Variants in PRIMA1 observed in about 807,000 individuals in gnomAD.
PRIMA1 encodes the protein proline-rich membrane anchor 1.
Under a neutral mutation model 17.5 loss-of-function variants are expected in PRIMA1, and 7 were observed. The ratio of observed to expected loss-of-function variants is 0.40; its 90% CI spans 0.23 to 0.75. The LOEUF is 0.75. PRIMA1 is among the 30% of genes least tolerant of loss of function. The pLI is 0.37. For synonymous variants in PRIMA1, 97 were observed against 77.9 expected (o/e 1.25, Z -1.29); for missense variants, 200 against 201.8 (o/e 0.99, Z 0.05).
intron 4 of PRIMA1, among the ~76,000 whole-genome samples, chr14:93,733,246 T>C (rs2076127100): frequency 2.6e-5 from 4 of 152,174 alleles, no homozygotes; most frequent in Admixed American, 6.5e-5. Flanking sequence ...GGCTACCAGG[T>C]CTGGGCAAGG....
chr14:93,784,544 A>G (rs377165654), intron 2 of PRIMA1, among the ~76,000 whole-genome samples: 21 of 152,216 alleles, frequency 1.4e-4, no homozygotes, highest in Non-Finnish European at 2.9e-5. Flanking sequence ...AATGACATCC[A>G]TAGCCCTCAG....
At position 93,779,229 on chromosome 14, in the gene PRIMA1, G is replaced by T; in HGVS notation, c.176C>A (p.Pro59Gln). The T allele has an allele frequency of 2.1e-6, 3 of 1,458,114 alleles. No individual in the cohort carries two copies. The highest frequency in any genetic ancestry group is 2.6e-5 in the East Asian group (1 of 38,142). The allele number at this position is 1,458,114 out of a possible 1,614,324, so 90.3% of individuals were successfully genotyped here. The stretch of plus-strand genomic sequence containing the variant: ...CGGGGGTGGGGGCGGCGGGGGCAGC[G>T]GGGGAGGGGGCCGGCACTGGCAGAC... ...RHVCQCRPPP[P>Q]LPPPPPPPPP... Residue 59 changes from proline to glutamine, a missense_variant, in exon 3 of 5, where the codon CCG becomes CAG. Pro to Gln is a moderately conservative substitution (Grantham distance 76). Transcript: ENST00000393140.
chr14:93,755,864 C>T (rs901368835), intron 3 of PRIMA1, among the ~76,000 whole-genome samples: 5 of 152,090 alleles, frequency 3.3e-5, no homozygotes, highest in African/African-American at 9.7e-5. Flanking sequence ...ATTGTACCCA[C>T]GAGTGCCTGG....
intron 3 of PRIMA1, among the ~76,000 whole-genome samples, chr14:93,739,416 A>C (rs1468342825): frequency 6.6e-6 from 1 of 152,208 alleles, no homozygotes; most frequent in Non-Finnish European, 1.5e-5. Flanking sequence ...GACTATCTTG[A>C]ATAGAACTGC....
chr14:93,765,402 T>C (rs7152624), intron 3 of PRIMA1, among the ~76,000 whole-genome samples: 132,248 of 149,010 alleles, frequency 0.89, 58,992 homozygotes, highest in Non-Finnish European at 0.94. Context: ...CTTAATAGGT[T>C]AGACTGGTTG....
intron 3 of PRIMA1, among the ~76,000 whole-genome samples, chr14:93,758,993 T>C (rs1386937270): frequency 1.3e-5 from 2 of 152,166 alleles, no homozygotes; most frequent in South Asian, 2.1e-4. Flanking sequence ...GTTCAGTAAA[T>C]GGTTCACAAG....
chr14:93,785,661 AT>A (rs1885502743), intron 2 of PRIMA1, among the ~76,000 whole-genome samples: 1 of 152,076 alleles, frequency 6.6e-6, no homozygotes, highest in South Asian at 2.1e-4. Flanking sequence ...GTTCCCTTGG[AT>A]TTAGCTCTTT....
At chr14:93,736,906 C>T (rs1003728660) in intron 4 of PRIMA1, among the ~76,000 whole-genome samples, 1 of 152,148 alleles carries the variant, frequency 6.6e-6, no homozygotes, top group Admixed American at 6.5e-5. Flanking sequence ...TTTCACGTTG[C>T]ACTGGGCCTG....
Position 93,779,226 on chromosome 14 carries a change from A to AAG in PRIMA1, c.178_179insCT (p.Leu60ProfsTer36). On this transcript the variant is annotated frameshift_variant, in exon 3 of 5. Transcript: ENST00000393140. LOFTEE classifies it high-confidence loss of function. The stretch of plus-strand genomic sequence containing the variant: ...TGGCGGGGGTGGGGGCGGCGGGGGC[A>AAG]GCGGGGGAGGGGGCCGGCACTGGCA... 7.1e-6 allele frequency: 2 copies of AAG among 281,884 alleles called. No individual in the cohort carries two copies. Among genetic ancestry groups the AAG allele is most frequent in the Non-Finnish European group, 1.0e-5 (2 of 197,032 alleles). The allele number at this position is 281,884 out of a possible 1,614,324, so 17.5% of individuals were successfully genotyped here.
At position 93,783,354 on chromosome 14, in the gene PRIMA1, G is replaced by T. The variant is rs1885434936; in HGVS notation, c.94-4043C>A. ...AAATGATGTACCACAGTTGCCCAAG[G>T]CCCAGCATTCAGTTGGCACAATGCC... On this transcript the variant is annotated intron_variant, in intron 2 of 4. Transcript: ENST00000393140. 2.0e-5 allele frequency among the ~76,000 whole-genome samples: 3 copies of T among 152,292 alleles called. No individual in the cohort carries two copies. The East Asian group carries it at 5.8e-4, about 29-fold the overall frequency.
chr14:93,765,553 C>T lies in PRIMA1; in HGVS notation c.229+13623G>A, dbSNP rs1207313579. Reference sequence around the variant, plus strand: ...ATTCCTTTTGACCCTCTCATCAGCCCGAGGAGGAAAAGGAGGTCTACACGA... The same window carrying T: ...ATTCCTTTTGACCCTCTCATCAGCCTGAGGAGGAAAAGGAGGTCTACACGA... On this transcript the variant is annotated intron_variant, in intron 3 of 4. Coordinates refer to ENST00000393140, the MANE Select transcript of PRIMA1 (RefSeq NM_178013.4). 5.3e-5 allele frequency among the ~76,000 whole-genome samples: 8 copies of T among 151,416 alleles called. No individual in the cohort carries two copies. The East Asian group carries it at 5.8e-4, about 11-fold the overall frequency.
intron 3 of PRIMA1, among the ~76,000 whole-genome samples, chr14:93,748,121 A>T (rs1319266947): frequency 1.3e-5 from 2 of 151,532 alleles, no homozygotes; most frequent in African/African-American, 2.4e-5. Flanking sequence ...TGTGTGAATG[A>T]GTGTGCATGA....
intron 3 of PRIMA1, among the ~76,000 whole-genome samples, chr14:93,776,527 C>T (rs7143376): frequency 0.017 from 2,524 of 152,244 alleles, 69 homozygotes; most frequent in African/African-American, 0.057. Context: ...TCCAGTCTGC[C>T]AGCTCAACCC....
intron 3 of PRIMA1, among the ~76,000 whole-genome samples, chr14:93,759,625 G>A (rs2076314689): frequency 6.6e-6 from 1 of 152,138 alleles, no homozygotes; most frequent in Non-Finnish European, 1.5e-5. Flanking sequence ...GGGAGGGAAA[G>A]GAGAAAGAAC....
At chr14:93,776,281 C>T (rs1885219888) in intron 3 of PRIMA1, among the ~76,000 whole-genome samples, 1 of 152,194 alleles carries the variant, frequency 6.6e-6, no homozygotes, top group Non-Finnish European at 1.5e-5. Context: ...TTGCTTAAAC[C>T]ACTTCAAGAT....
Position 93,748,091 on chromosome 14 carries a change from TGA to T in PRIMA1, c.230-10723_230-10722del, listed in dbSNP as rs548890055. Among the ~76,000 whole-genome samples, 535 of 151,936 alleles carry T rather than the reference TGA, an allele frequency of 3.5e-3. 1 individual carries two copies. The highest frequency in any genetic ancestry group is 4.4e-3 in the Non-Finnish European group (301 of 67,904). On this transcript the variant is annotated intron_variant, in intron 3 of 4. Coordinates refer to ENST00000393140, the MANE Select transcript of PRIMA1 (RefSeq NM_178013.4). ...GAATGTGTATGTGTGTGAGTGCGTATGAGTGTGTGAATGTGTATGTGTGTGAA... is the reference window on the plus strand; with the variant it reads ...GAATGTGTATGTGTGTGAGTGCGTATGTGTGTGAATGTGTATGTGTGTGAA...
In PRIMA1 at chr14:93,726,706, C is replaced by T. The variant is rs2076078910; in HGVS notation, c.360-5160G>A. Reference sequence around the variant, plus strand: ...ACATGTACATATGCACAAACCCATACAAACATGTACTTACACACACACATA... The same window carrying T: ...ACATGTACATATGCACAAACCCATATAAACATGTACTTACACACACACATA... On this transcript the variant is annotated intron_variant, in intron 4 of 4. Coordinates refer to ENST00000393140, the MANE Select transcript of PRIMA1 (RefSeq NM_178013.4). The surrounding 1 kb of genome is among the most constrained non-coding windows in gnomAD (Gnocchi z 4.2). Among the ~76,000 whole-genome samples, 1 of 151,980 alleles carries T rather than the reference C, an allele frequency of 6.6e-6. No homozygotes were observed. The highest frequency in any genetic ancestry group is 2.4e-5 in the African/African-American group (1 of 41,342).
In PRIMA1 at chr14:93,787,632, G is replaced by C. The variant is rs1474313538; in HGVS notation, c.87C>G (p.Phe29Leu). 28 of 1,541,524 alleles carry C rather than the reference G, an allele frequency of 1.8e-5. No homozygotes were observed. Among genetic ancestry groups the C allele is most frequent in the Non-Finnish European group, 2.3e-5 (26 of 1,146,808 alleles). Residue 29 changes from phenylalanine (F) to leucine (L), a missense_variant, in exon 2 of 5, where the codon TTC (phenylalanine) becomes TTG (leucine). Transcript: ENST00000393140. ...LHCALHPLWG[F>L]VQVTHGEPQK... ...CGCAGCCGGCGCGTCTCACCTGCACGAAGCCCCAGAGCGGGTGGAGCGCGC... is the reference window on the plus strand; with the variant it reads ...CGCAGCCGGCGCGTCTCACCTGCACCAAGCCCCAGAGCGGGTGGAGCGCGC...
intron 3 of PRIMA1, among the ~76,000 whole-genome samples, chr14:93,772,130 T>C (rs1885088357): frequency 6.6e-6 from 1 of 152,242 alleles, no homozygotes. Flanking sequence ...TCTAGTGTCC[T>C]GGGTGGGTAA....
Sources: gnomAD v4.1 joint callset for allele counts (sites outside exome capture counted in the v4.1 genomes callset) on GRCh38, gnomAD v4.1.1 for gene constraint, Gnocchi (gnomAD v3.1) non-coding constraint, MANE v1.5 for transcripts, NCBI Gene and HGNC (gene_info 2026-07-23, HGNC 2026-07-21) for gene names.